COL11A1: variants seen among roughly 807,000 people sequenced by gnomAD.
COL11A1 encodes the protein collagen type XI alpha 1 chain.
COL11A1 carries 74 observed loss-of-function variants against 265.2 expected under a neutral mutation model. The observed-to-expected ratio is 0.28, with a 90% CI of 0.23 to 0.34. The LOEUF (loss-of-function observed/expected upper bound fraction) is 0.34, where lower values mean the gene tolerates loss of function less well. COL11A1 is among the 10% of genes least tolerant of loss of function. The probability of loss-of-function intolerance (pLI) is 1.00; values close to 1 mark genes in which losing one functional copy is unlikely to be tolerated. For missense variants in COL11A1, 2,165 were observed against 2,263.6 expected, an observed-to-expected ratio of 0.96 and a Z score of 0.88; for synonymous variants, 816 against 727.6, an observed-to-expected ratio of 1.12 and a Z score of -1.96.
chr1:102,931,692 G>A (rs1171590104), intron 46 of COL11A1, among the ~76,000 whole-genome samples: 4 of 151,926 alleles, frequency 2.6e-5, no homozygotes, highest in Non-Finnish European at 4.4e-5. Flanking sequence ...TGACAGTGGG[G>A]TGTTAAAGTC....
intron 14 of COL11A1, among the ~76,000 whole-genome samples, chr1:103,009,082 A>T (rs1025312541): frequency 4.6e-5 from 7 of 152,208 alleles, no homozygotes; most frequent in African/African-American, 1.7e-4. Context: ...CCATGAGAAT[A>T]AGTCTGTATA....
chr1:102,932,231 C>T (rs771358423), intron 46 of COL11A1, among the ~76,000 whole-genome samples: 9 of 152,014 alleles, frequency 5.9e-5, no homozygotes, highest in Admixed American at 3.3e-4. Flanking sequence ...TGGCTGGTGC[C>T]GGTTGTTCCT....
intron 4 of COL11A1, among the ~76,000 whole-genome samples, chr1:103,073,085 T>C (rs1671710469): frequency 6.6e-6 from 1 of 151,842 alleles, no homozygotes; most frequent in Non-Finnish European, 1.5e-5. Flanking sequence ...TATTTTTCAC[T>C]ACTCACTGTC....
intron 42 of COL11A1, among the ~76,000 whole-genome samples, chr1:102,946,597 G>C (rs1234204205): frequency 6.6e-6 from 1 of 151,372 alleles, no homozygotes; most frequent in African/African-American, 2.4e-5. Flanking sequence ...AAAGCAAAAT[G>C]AAAAGCCTTT....
In COL11A1 at chr1:102,962,222, G is replaced by T. The variant is rs1040168773; in HGVS notation, c.3068C>A (p.Ala1023Glu). ...TTCCCCTGGGAAACCACGTAATCCTGCTGGTCCATCTTTCCCTGAGATACC... is the reference window on the plus strand; with the variant it reads ...TTCCCCTGGGAAACCACGTAATCCTTCTGGTCCATCTTTCCCTGAGATACC... ...PQGISGKDGPAGLRGFPGERG... is the reference protein window; with the variant it reads ...PQGISGKDGPEGLRGFPGERG... The change falls in exon 40 of 67, where the codon GCA becomes GAA. Residue 1023 changes from alanine to glutamate, a missense_variant. Physicochemically the swap from Ala to Glu is moderately radical, Grantham distance 107. Transcript: ENST00000370096. 9.9e-6 allele frequency: 16 copies of T among 1,613,632 alleles called. No individual in the cohort carries two copies. The highest frequency in any genetic ancestry group is 1.4e-5 in the Non-Finnish European group (16 of 1,179,774).
intron 66 of COL11A1, among the ~76,000 whole-genome samples, chr1:102,878,576 T>A (rs1201402078): frequency 6.8e-6 from 1 of 147,176 alleles, no homozygotes; most frequent in Non-Finnish European, 1.5e-5. Flanking sequence ...AGAGCAGTGA[T>A]CTCAGCTCAC....
intron 9 of COL11A1, among the ~76,000 whole-genome samples, chr1:103,019,558 A>C (rs975988048): frequency 1.3e-5 from 2 of 150,086 alleles, no homozygotes; most frequent in Non-Finnish European, 3.0e-5. Context: ...TAGATGGCCA[A>C]CAAGGTCCTT....
At chr1:103,008,226 T>C (rs545230795) in intron 15 of COL11A1, among the ~76,000 whole-genome samples, 39 of 152,308 alleles carry the variant, frequency 2.6e-4, no homozygotes, top group African/African-American at 9.4e-4. Context: ...AGCTGCATTT[T>C]CCATCCTTTT....
intron 57 of COL11A1, among the ~76,000 whole-genome samples, chr1:102,895,807 G>T (rs563120713): frequency 6.7e-6 from 1 of 149,172 alleles, no homozygotes; most frequent in African/African-American, 2.5e-5. Context: ...AGTATCCTCT[G>T]CTTGAGTCTA....
At chr1:102,914,669 TAAA>T (rs1655094361) in intron 51 of COL11A1, 32 bp downstream of exon 51, 1 of 1,511,156 alleles carries the variant, frequency 6.6e-7, no homozygotes, top group South Asian at 1.1e-5. Flanking sequence ...GAGTTTGGCA[TAAA>T]TGCCACATTA....
chr1:103,105,137 A>T (rs1320181572), intron 1 of COL11A1, among the ~76,000 whole-genome samples: 2 of 152,008 alleles, frequency 1.3e-5, no homozygotes, highest in Non-Finnish European at 2.9e-5. Flanking sequence ...TAAAACCCTT[A>T]CATAAACTCA....
At chr1:102,987,852 C>T (rs1663735787) in intron 29 of COL11A1, 112 bp from the exon 30 acceptor site, 1 of 792,494 alleles carries the variant, frequency 1.3e-6, no homozygotes, top group African/African-American at 1.7e-5. Flanking sequence ...TCCATCTTGC[C>T]TTTTACCTTC....
intron 65 of COL11A1, 197 bp from the exon 66 acceptor site, chr1:102,880,113 C>A (rs957204160): frequency 5.2e-6 from 3 of 572,090 alleles, no homozygotes; most frequent in African/African-American, 1.9e-5. Context: ...TTGTATCCCA[C>A]CTAAGTTACT....
At chr1:102,962,014 A>G (rs1013757342) in intron 40 of COL11A1, 95 bp from the exon 41 acceptor site, 2 of 1,184,020 alleles carry the variant, frequency 1.7e-6, no homozygotes, top group Non-Finnish European at 2.5e-6. Context: ...ATGTCAGGTA[A>G]TGTTTATAGA....
Position 103,074,498 on chromosome 1 carries a change from C to T in COL11A1, c.651+120G>A, listed in dbSNP as rs1571219858. ...ATACTCACAGAGGAAGAAACTAGGT[C>T]ACCCTTTAGAGTTTTCAACTTTGCT... is the stretch of plus-strand genomic sequence containing the variant. On this transcript the variant is annotated intron_variant, in intron 4 of 66. Transcript: ENST00000370096. 5 of 1,076,150 alleles carry T rather than the reference C, an allele frequency of 4.6e-6. No homozygotes were observed. The East Asian group carries it at 1.3e-4, about 27-fold the overall frequency. The allele number at this position is 1,076,150 out of a possible 1,614,324, so 66.7% of individuals were successfully genotyped here.
intron 54 of COL11A1, among the ~76,000 whole-genome samples, chr1:102,906,596 A>G (rs57432812): frequency 0.019 from 2,945 of 152,112 alleles, 97 homozygotes; most frequent in African/African-American, 0.067. Context: ...TTCTGTGAAG[A>G]TGAGGGTCTC....
intron 46 of COL11A1, among the ~76,000 whole-genome samples, chr1:102,926,370 C>A (rs1292808743): frequency 6.7e-6 from 1 of 149,644 alleles, no homozygotes; most frequent in African/African-American, 2.5e-5. Context: ...TCTCTCACTC[C>A]ATATATGTGT....
At position 103,057,523 on chromosome 1, in the gene COL11A1, C is replaced by A. The variant is rs548487986; in HGVS notation, c.651+17095G>T. On this transcript the variant is annotated intron_variant, in intron 4 of 66. Transcript: ENST00000370096. Reference sequence around the variant, plus strand: ...CTAGAAAGTTTCTAATTTACTGTGTCCAGATTCATCATAGGAATCACTATG... The same window carrying A: ...CTAGAAAGTTTCTAATTTACTGTGTACAGATTCATCATAGGAATCACTATG... Among the ~76,000 whole-genome samples the A allele has an allele frequency of 8.5e-5, 13 of 152,250 alleles. No individual in the cohort carries two copies. The South Asian group carries it at 2.7e-3, about 32-fold the overall frequency.
chr1:103,005,184 T>A (rs2252146), intron 18 of COL11A1, among the ~76,000 whole-genome samples: 10,632 of 152,138 alleles, frequency 0.07, 457 homozygotes, highest in Middle Eastern at 0.18. Flanking sequence ...TTTCTTTCCT[T>A]TTACTATTTT....
Sources: gnomAD v4.1 joint callset for allele counts (sites outside exome capture counted in the v4.1 genomes callset) on GRCh38, gnomAD v4.1.1 for gene constraint, MANE v1.5 for transcripts, NCBI Gene and HGNC (gene_info 2026-07-23, HGNC 2026-07-21) for gene names.